The following ECSIT variants were observed in gnomAD, a reference collection of about 807,000 sequenced individuals.
ECSIT encodes the protein evolutionarily conserved signaling intermediate in Toll pathway, mitochondrial.
In ECSIT, 29 loss-of-function variants were observed where a neutral mutation model predicts 36.8. The ratio of observed to expected loss-of-function variants is 0.79; its 90% CI spans 0.59 to 1.08. The LOEUF (loss-of-function observed/expected upper bound fraction) is 1.08. Ranked by LOEUF, ECSIT falls within the 50% of genes least tolerant of loss-of-function variation. The pLI is 0.00. For missense variants in ECSIT, 542 were observed against 581.0 expected (o/e 0.93, Z 0.69); for synonymous variants, 231 against 234.8 (o/e 0.98, Z 0.15).
intron 2 of ECSIT, among the ~76,000 whole-genome samples, chr19:11,516,708 A>ACACAC (rs1972006875): frequency 6.8e-6 from 1 of 146,102 alleles, no homozygotes; most frequent in Non-Finnish European, 1.5e-5. Context: ...CACACACACA[A>ACACAC]AACGCTAACA....
At position 11,514,661 on chromosome 19, in the gene ECSIT, A is replaced by G. The variant is rs1171112773; in HGVS notation, c.97-440T>C. On this transcript the variant is annotated intron_variant, in intron 2 of 7. Coordinates refer to ENST00000270517, the MANE Select transcript of ECSIT (RefSeq NM_016581.5). ...CTCACCCTGTCCAGCAGCTGGAACT[A>G]CCGGTGTACACCACCACACCTGGCT... is the stretch of plus-strand genomic sequence containing the variant. Among the ~76,000 whole-genome samples, 9 of 151,828 alleles carry G rather than the reference A, an allele frequency of 5.9e-5. No individual in the cohort carries two copies. The East Asian group carries it at 1.7e-3, about 29-fold the overall frequency.
chr19:11,516,120 A>G (rs921857820), intron 2 of ECSIT: 1 of 152,224 alleles, frequency 6.6e-6, no homozygotes, highest in Non-Finnish European at 1.5e-5. Flanking sequence ...ACTGGTCAGC[A>G]CAGGAGTTTT....
rs1971768550 is a variant in ECSIT, at chr19:11,507,375, A to C, written c.1051+82T>G. The C allele has an allele frequency of 9.5e-6, 11 of 1,158,228 alleles. 1 individual carries two copies. In the Middle Eastern group the frequency reaches 6.0e-4, roughly 63 times the overall value. The allele number at this position is 1,158,228 out of a possible 1,614,324, so 71.7% of individuals were successfully genotyped here. A position where few individuals can be genotyped will look rare whatever the true frequency, so the allele number is the denominator to read the frequency against. ...CACTGCAACCTCAACTCCTGGGCTC[A>C]AGTGATCCTCCCACCTCAGCCTGTA... On this transcript the variant is annotated intron_variant, in intron 7 of 7. Coordinates refer to ENST00000270517, the MANE Select transcript of ECSIT (RefSeq NM_016581.5).
chr19:11,522,719 A>G (rs1437326361), intron 1 of ECSIT, among the ~76,000 whole-genome samples: 1 of 150,316 alleles, frequency 6.7e-6, no homozygotes, highest in African/African-American at 2.4e-5. Flanking sequence ...TCTCAAAAAA[A>G]TTAATTAATT....
intron 2 of ECSIT, among the ~76,000 whole-genome samples, 188 bp from the exon 3 acceptor site, chr19:11,514,409 G>A (rs1432631868): frequency 2.0e-5 from 3 of 152,164 alleles, no homozygotes; most frequent in African/African-American, 4.8e-5. Context: ...GCACAGTAGG[G>A]AGGAAACAGG....
intron 2 of ECSIT, 73 bp from the exon 3 acceptor site, chr19:11,514,294 C>T (rs1971942471): frequency 6.3e-6 from 9 of 1,428,044 alleles, no homozygotes; most frequent in Non-Finnish European, 7.4e-6. Context: ...CTGGCTCTTT[C>T]CTCAGAGAGG....
intron 4 of ECSIT, among the ~76,000 whole-genome samples, chr19:11,508,383 A>ATCTTTTTTTTTTTTTTTTTTT (rs1971801668): frequency 8.1e-6 from 1 of 124,052 alleles, no homozygotes; most frequent in African/African-American, 3.6e-5. Context: ...CTTAATTCCG[A>ATCTTTTTTTTTTTTTTTTTTT]TTTTTTTTTT....
intron 4 of ECSIT, 56 bp from the exon 5 acceptor site, chr19:11,508,104 T>TTG: frequency 6.2e-7 from 1 of 1,600,994 alleles, no homozygotes; most frequent in Non-Finnish European, 8.6e-7. Flanking sequence ...ACAGAGGAAC[T>TTG]GGGGACAGAG....
At chr19:11,507,355 C>T in intron 7 of ECSIT, 102 bp downstream of exon 7, 1 of 906,754 alleles carries the variant, frequency 1.1e-6, no homozygotes, top group South Asian at 1.3e-5. Flanking sequence ...TAGTTCACTG[C>T]AACCTCAACT....
Position 11,507,495 on chromosome 19 carries a change from C to T in ECSIT, c.1013G>A (p.Arg338Lys). The change falls in exon 7 of 8, where the codon AGG becomes AAG. Residue 338 changes from arginine to lysine, a missense_variant. Arg to Lys is a conservative substitution (Grantham distance 26, BLOSUM62 2). Transcript: ENST00000270517. ...YPMQLDLEYV[R>K]SGWDNYEFDI... ...AAACTCGTAGTTGTCCCAGCCACTC[C>T]TCACATACTCCAGGTCCAGCTGCAT... 7.4e-6 allele frequency: 12 copies of T among 1,614,082 alleles called. No homozygotes were observed. The highest frequency in any genetic ancestry group is 1.0e-5 in the Non-Finnish European group (12 of 1,180,020).
At chr19:11,522,311 C>G in intron 1 of ECSIT, 1 of 671,788 alleles carries the variant, frequency 1.5e-6, no homozygotes. Context: ...GACATGGGCG[C>G]CCGGTACCCC....
intron 4 of ECSIT, among the ~76,000 whole-genome samples, chr19:11,510,347 C>G (rs1463150558): frequency 6.6e-6 from 1 of 150,800 alleles, no homozygotes; most frequent in African/African-American, 2.4e-5. Context: ...AGCTAATTTT[C>G]GTATTTTTTT....
chr19:11,522,165 G>A (rs911523358), intron 1 of ECSIT: 2 of 446,484 alleles, frequency 4.5e-6, no homozygotes, highest in South Asian at 2.3e-5. Flanking sequence ...CTGTGGGCAG[G>A]CATTCGAGAA....
At position 11,506,077 on chromosome 19, in the gene ECSIT, G is replaced by T; in HGVS notation, c.*107C>A. 6.6e-7 allele frequency: 1 copy of T among 1,504,114 alleles called. No homozygotes were observed. Among genetic ancestry groups the T allele is most frequent in the Non-Finnish European group, 8.9e-7 (1 of 1,121,614 alleles). 93.2% of individuals were successfully genotyped at this position (1,504,114 alleles called of 1,614,324 possible). A position where few individuals can be genotyped will look rare whatever the true frequency, so the allele number is the denominator to read the frequency against. On this transcript the variant is annotated 3_prime_UTR_variant, in exon 8 of 8. Transcript: ENST00000270517. ...CCATACTGCTAGAGATGAGGGAAGA[G>T]AGCCCCAAGCAGGAAAACATTGATT...
rs1972053834 is a variant in ECSIT at position 11,519,150 on chromosome 19, G to A, written c.21C>T (p.Thr7=). The part of the protein sequence containing the change: MSWVQA[T]LLARGLCRAW... ...CCCTACAGAGGCCTCGGGCCAGTAG[G>A]GTGGCCTGGACCCAGCTCATGCCTC... is the stretch of plus-strand genomic sequence containing the variant. The change falls in exon 2 of 8, where the codon ACC becomes ACT. Residue 7 remains threonine, a synonymous_variant. Coordinates refer to ENST00000270517, the MANE Select transcript of ECSIT (RefSeq NM_016581.5). The surrounding 1 kb of genome is among the most constrained non-coding windows in gnomAD (Gnocchi z 4.4). The A allele has an allele frequency of 6.5e-7, 1 of 1,550,172 alleles. No individual in the cohort carries two copies. Among genetic ancestry groups the A allele is most frequent in the East Asian group, 2.4e-5 (1 of 40,884 alleles).
At chr19:11,522,081 C>A in intron 1 of ECSIT, 1 of 351,182 alleles carries the variant, frequency 2.8e-6, no homozygotes, top group South Asian at 2.5e-5. Context: ...CTGATCATGT[C>A]GTTGCCAAGT....
Position 11,519,316 on chromosome 19 carries a change from C to T in ECSIT, c.-23-123G>A, listed in dbSNP as rs1451052270. 1.4e-6 allele frequency: 1 copy of T among 714,924 alleles called. No homozygotes were observed. Among genetic ancestry groups the T allele is most frequent in the Non-Finnish European group, 2.5e-6 (1 of 402,882 alleles). The allele number at this position is 714,924 out of a possible 1,614,324, so 44.3% of individuals were successfully genotyped here. A position where few individuals can be genotyped will look rare whatever the true frequency, so the allele number is the denominator to read the frequency against. On this transcript the variant is annotated intron_variant, in intron 1 of 7. Coordinates refer to ENST00000270517, the MANE Select transcript of ECSIT (RefSeq NM_016581.5). The surrounding 1 kb of genome is among the most constrained non-coding windows in gnomAD (Gnocchi z 4.4). ...CTCACTCACCAGCCCCAATGTTTAC[C>T]TTACCCAAGAAACAGGCTGATGACT... is the stretch of plus-strand genomic sequence containing the variant.
chr19:11,528,934 C>T (rs977493919), intron 1 of ECSIT, 128 bp downstream of exon 1: 4 of 152,318 alleles, frequency 2.6e-5, no homozygotes, highest in Non-Finnish European at 4.4e-5. Context: ...CCCGCCCCCA[C>T]TACGAAAGGT....
At chr19:11,523,195 G>C (rs1014506768) in intron 1 of ECSIT, among the ~76,000 whole-genome samples, 3 of 152,142 alleles carry the variant, frequency 2.0e-5, no homozygotes, top group Non-Finnish European at 4.4e-5. Context: ...TCAATGTGAA[G>C]ACGATGAGAA....
Sources: allele counts gnomAD v4.1 joint callset (sites outside exome capture counted in the v4.1 genomes callset), GRCh38; gene constraint gnomAD v4.1.1; non-coding constraint Gnocchi (gnomAD v3.1); transcripts MANE v1.5; gene names NCBI Gene and HGNC (gene_info 2026-07-23, HGNC 2026-07-21).